The following RSU1 variants were observed in gnomAD, a reference collection of about 807,000 sequenced individuals.
RSU1 encodes the protein rsu-1.
Under a neutral mutation model 31.1 loss-of-function variants are expected in RSU1, and 26 were observed. That is an observed-to-expected ratio of 0.84 (90% CI 0.61 to 1.16). The LOEUF (loss-of-function observed/expected upper bound fraction) is 1.16, where lower values mean the gene tolerates loss of function less well. Ranked by LOEUF, RSU1 falls within the 50% of genes most tolerant of loss-of-function variation. RSU1 has a pLI of 0.00. For synonymous variants in RSU1, 164 were observed against 136.3 expected, an observed-to-expected ratio of 1.20 and a Z score of -1.41; for missense variants, 320 against 339.1, an observed-to-expected ratio of 0.94 and a Z score of 0.44.
At chr10:16,792,326 G>T (rs965876642) in intron 2 of RSU1, among the ~76,000 whole-genome samples, 4 of 152,152 alleles carry the variant, frequency 2.6e-5, no homozygotes, top group Non-Finnish European at 4.4e-5. Flanking sequence ...TCCACCTCCC[G>T]AGTTCAAATG....
chr10:16,721,750 CTTCTCCAT>C (rs1836268512), intron 7 of RSU1: 4 of 152,312 alleles, frequency 2.6e-5, no homozygotes, highest in African/African-American at 9.6e-5. Flanking sequence ...CCTGGTATTC[CTTCTCCAT>C]TTCCATACAT....
chr10:16,602,333 A>G (rs1157874196), intron 8 of RSU1, among the ~76,000 whole-genome samples: 1 of 152,216 alleles, frequency 6.6e-6, no homozygotes, highest in Non-Finnish European at 1.5e-5. Flanking sequence ...GCTAACGTGC[A>G]TTCATTATTC....
intron 4 of RSU1, among the ~76,000 whole-genome samples, chr10:16,756,570 TAATAAC>T (rs1837090602): frequency 6.6e-6 from 1 of 152,246 alleles, no homozygotes; most frequent in African/African-American, 2.4e-5. Context: ...ACGACTTTCT[TAATAAC>T]ATTTTCTTTT....
intron 8 of RSU1, among the ~76,000 whole-genome samples, chr10:16,620,584 G>T (rs895112550): frequency 6.6e-6 from 1 of 150,952 alleles, no homozygotes; most frequent in Non-Finnish European, 1.5e-5. Flanking sequence ...TCTCGCTCAT[G>T]CCTGTAATCC....
At chr10:16,730,982 C>A (rs1588499577) in intron 7 of RSU1, among the ~76,000 whole-genome samples, 1 of 152,118 alleles carries the variant, frequency 6.6e-6, no homozygotes, top group African/African-American at 2.4e-5. Context: ...CGCCACCACG[C>A]CCAGCTTATT....
At chr10:16,718,438 G>T (rs1309783239) in intron 7 of RSU1, among the ~76,000 whole-genome samples, 2 of 152,150 alleles carry the variant, frequency 1.3e-5, no homozygotes, top group Non-Finnish European at 2.9e-5. Flanking sequence ...TGATTATCCT[G>T]ATCTGGAAAG....
intron 8 of RSU1, among the ~76,000 whole-genome samples, chr10:16,638,938 T>C (rs1415149556): frequency 6.6e-6 from 1 of 152,258 alleles, no homozygotes; most frequent in Non-Finnish European, 1.5e-5. Context: ...TAAATGACTT[T>C]GTAAAACCCA....
chr10:16,680,267 GC>G (rs1402741057), intron 8 of RSU1, among the ~76,000 whole-genome samples: 1 of 151,952 alleles, frequency 6.6e-6, no homozygotes, highest in African/African-American at 2.4e-5. Flanking sequence ...GCAGACACAG[GC>G]CTGTGTCTCA....
chr10:16,727,223 G>A (rs1284239053), intron 7 of RSU1: 5 of 437,868 alleles, frequency 1.1e-5, no homozygotes, highest in African/African-American at 2.0e-5. Flanking sequence ...ACGATGTTCC[G>A]CCTGGCTGCA....
intron 7 of RSU1, among the ~76,000 whole-genome samples, chr10:16,708,244 T>C (rs1286346839): frequency 6.6e-6 from 1 of 152,188 alleles, no homozygotes; most frequent in African/African-American, 2.4e-5. Context: ...ACATACATTA[T>C]ATACTATATT....
At chr10:16,679,522 C>A (rs1417607955) in intron 8 of RSU1, among the ~76,000 whole-genome samples, 2 of 152,072 alleles carry the variant, frequency 1.3e-5, no homozygotes, top group Non-Finnish European at 2.9e-5. Flanking sequence ...AGTAGGGAAA[C>A]CTTCCAAGAA....
chr10:16,792,958 C>G (rs536586581), intron 2 of RSU1, among the ~76,000 whole-genome samples: 1 of 152,200 alleles, frequency 6.6e-6, no homozygotes, highest in Non-Finnish European at 1.5e-5. Context: ...CTGCCCATGT[C>G]GCATGGCTGA....
At chr10:16,669,779 G>A (rs960485462) in intron 8 of RSU1, among the ~76,000 whole-genome samples, 5 of 152,240 alleles carry the variant, frequency 3.3e-5, no homozygotes, top group African/African-American at 4.8e-5. Flanking sequence ...TTATGGTTGC[G>A]TAGTATTCCA....
chr10:16,785,404 T>A (rs1588533986), intron 2 of RSU1, among the ~76,000 whole-genome samples: 3 of 91,304 alleles, frequency 3.3e-5, no homozygotes, highest in South Asian at 6.2e-4. Context: ...CTCTCTATCT[T>A]TCTATATATA....
chr10:16,770,038 C>T (rs1360392406), intron 3 of RSU1, among the ~76,000 whole-genome samples: 1 of 152,136 alleles, frequency 6.6e-6, no homozygotes, highest in Non-Finnish European at 1.5e-5. Flanking sequence ...CAAGGGTAGT[C>T]ATACAAAGAG....
At chr10:16,697,875 C>A (rs1016990805) in intron 7 of RSU1, among the ~76,000 whole-genome samples, 5 of 151,018 alleles carry the variant, frequency 3.3e-5, no homozygotes, top group Admixed American at 2.0e-4. Flanking sequence ...ATAGTCGGAA[C>A]TTCTAGTTGG....
In RSU1 at chr10:16,679,869, GT is replaced by G. The variant is rs71374699; in HGVS notation, c.731+15153del. On this transcript the variant is annotated intron_variant, in intron 8 of 8. Transcript: ENST00000345264. ...CTCATCTGGCACAATAAAGACTCAAGTTTTTTTTTTTTTTTTTTTTTTTTTT... is the reference window on the plus strand; with the variant it reads ...CTCATCTGGCACAATAAAGACTCAAGTTTTTTTTTTTTTTTTTTTTTTTTT... 8.9e-3 allele frequency among the ~76,000 whole-genome samples: 1,106 copies of G among 124,174 alleles called. 4 individuals carry two copies. The highest frequency in any genetic ancestry group is 0.024 in the African/African-American group (739 of 31,204). The allele number at this position is 124,174 out of a possible 152,430, so 81.5% of individuals were successfully genotyped here.
intron 7 of RSU1, among the ~76,000 whole-genome samples, chr10:16,725,439 G>A (rs1836370436): frequency 6.6e-6 from 1 of 152,158 alleles, no homozygotes; most frequent in Non-Finnish European, 1.5e-5. Context: ...GTTAGGTTCT[G>A]AATGCTTCTG....
chr10:16,760,991 G>A (rs1215847089), intron 4 of RSU1, among the ~76,000 whole-genome samples: 1 of 152,148 alleles, frequency 6.6e-6, no homozygotes, highest in Admixed American at 6.5e-5. Context: ...ACCTAGGCTG[G>A]AGTGCAGTGG....
Sources: allele counts gnomAD v4.1 joint callset (sites outside exome capture counted in the v4.1 genomes callset), GRCh38; gene constraint gnomAD v4.1.1; transcripts MANE v1.5; gene names NCBI Gene and HGNC (gene_info 2026-07-23, HGNC 2026-07-21).